Variants in NTRK2 observed in about 807,000 individuals in gnomAD.
NTRK2 encodes the protein BDNF/NT-3 growth factors receptor.
Under a neutral mutation model 94.5 loss-of-function variants are expected in NTRK2, and 13 were observed. That is an observed-to-expected ratio of 0.14 (90% CI 0.09 to 0.22). The LOEUF is 0.22. Among genes scored for constraint, NTRK2 ranks in the 10% least tolerant of loss-of-function variants. The probability of loss-of-function intolerance (pLI) is 1.00; values close to 1 mark genes in which losing one functional copy is unlikely to be tolerated. For synonymous variants in NTRK2, 372 were observed against 407.4 expected, an observed-to-expected ratio of 0.91 and a Z score of 1.05; for missense variants, 639 against 1,071.2, an observed-to-expected ratio of 0.60 and a Z score of 5.63.
intron 14 of NTRK2, among the ~76,000 whole-genome samples, chr9:84,918,234 A>G (rs7026006): frequency 3.9e-4 from 59 of 152,210 alleles, no homozygotes; most frequent in African/African-American, 1.2e-3. Flanking sequence ...CAACAGCGCC[A>G]AGCAATCAGG....
At chr9:85,008,037 C>T (rs542110090) in intron 17 of NTRK2, among the ~76,000 whole-genome samples, 20 of 152,220 alleles carry the variant, frequency 1.3e-4, no homozygotes, top group African/African-American at 3.6e-4. Flanking sequence ...TTTGAAGAAC[C>T]TTCTCTCCTG....
At chr9:84,727,390 C>A (rs1564137171) in intron 8 of NTRK2, among the ~76,000 whole-genome samples, 1 of 152,106 alleles carries the variant, frequency 6.6e-6, no homozygotes, top group Non-Finnish European at 1.5e-5. Flanking sequence ...CTGGTTTTCA[C>A]TTATACTGAA....
intron 12 of NTRK2, among the ~76,000 whole-genome samples, chr9:84,853,017 C>G (rs1045196305): frequency 6.6e-6 from 1 of 151,880 alleles, no homozygotes; most frequent in Non-Finnish European, 1.5e-5. Flanking sequence ...TTGCAGAGCA[C>G]TGGCCTTTTC....
At chr9:84,701,556 G>A (rs1482654069) in intron 2 of NTRK2, among the ~76,000 whole-genome samples, 1 of 152,142 alleles carries the variant, frequency 6.6e-6, no homozygotes, top group Non-Finnish European at 1.5e-5. Flanking sequence ...GGTTCCCACG[G>A]AGAATGCGCT....
intron 12 of NTRK2, among the ~76,000 whole-genome samples, chr9:84,795,197 C>A (rs534591506): frequency 1.3e-5 from 2 of 152,310 alleles, no homozygotes; most frequent in Non-Finnish European, 1.5e-5. Flanking sequence ...GGGGTGGTGG[C>A]AGCTTTCCTG....
At position 84,894,168 on chromosome 9, in the gene NTRK2, GAATATATTTTTATAAC is replaced by G. The variant is rs1201989556; in HGVS notation, c.1633+26739_1633+26754del. Among the ~76,000 whole-genome samples the G allele has an allele frequency of 1.0e-3, 151 of 150,470 alleles. 4 individuals are homozygous for G. Among genetic ancestry groups the G allele is most frequent in the African/African-American group, 6.1e-4 (25 of 40,716 alleles). On this transcript the variant is annotated intron_variant, in intron 14 of 18. Coordinates refer to ENST00000277120, the MANE Select transcript of NTRK2 (RefSeq NM_006180.6). ...TTGGGTGTTACTTGACTATTTGGGA[GAATATATTTTTATAAC>G]ACATTGAATAGTCCTCATTGCACAC...
At chr9:84,725,482 T>C (rs1352451324) in intron 8 of NTRK2, among the ~76,000 whole-genome samples, 1 of 152,072 alleles carries the variant, frequency 6.6e-6, no homozygotes, top group Non-Finnish European at 1.5e-5. Context: ...GAAGGAATGA[T>C]GGGCCCTGGG....
At chr9:84,906,395 C>T (rs1297624376) in intron 14 of NTRK2, among the ~76,000 whole-genome samples, 1 of 152,096 alleles carries the variant, frequency 6.6e-6, no homozygotes, top group African/African-American at 2.4e-5. Context: ...AGTGTATTTG[C>T]CAGATTGAGC....
chr9:84,711,238 C>G (rs1308727776), intron 6 of NTRK2, among the ~76,000 whole-genome samples: 5 of 152,170 alleles, frequency 3.3e-5, no homozygotes, highest in Non-Finnish European at 7.3e-5. Context: ...AGCACATTCC[C>G]TTAAACTTGT....
At chr9:84,872,819 A>C in intron 14 of NTRK2, 1 of 1,064,788 alleles carries the variant, frequency 9.4e-7, no homozygotes, top group Non-Finnish European at 1.1e-6. Context: ...GCCTGAGGAA[A>C]GAAGACATTA....
chr9:84,762,390 A>G (rs1286647204), intron 12 of NTRK2, among the ~76,000 whole-genome samples: 1 of 152,158 alleles, frequency 6.6e-6, no homozygotes, highest in Non-Finnish European at 1.5e-5. Context: ...ATTTTGTTTG[A>G]AGTAAATCCT....
intron 12 of NTRK2, among the ~76,000 whole-genome samples, chr9:84,798,325 C>T (rs2069881783): frequency 6.6e-6 from 1 of 152,156 alleles, no homozygotes; most frequent in South Asian, 2.1e-4. Flanking sequence ...TAGGTTTCAG[C>T]ATATGAATTT....
chr9:84,861,968 C>T (rs1336287407), intron 13 of NTRK2, among the ~76,000 whole-genome samples: 1 of 152,178 alleles, frequency 6.6e-6, no homozygotes, highest in African/African-American at 2.4e-5. Flanking sequence ...GGAGCTGTTT[C>T]CTGTCACTTT....
chr9:85,017,746 A>C (rs1832387309), intron 17 of NTRK2, among the ~76,000 whole-genome samples: 1 of 152,220 alleles, frequency 6.6e-6, no homozygotes, highest in Non-Finnish European at 1.5e-5. Context: ...CAGACAGCAT[A>C]ACAAGAAGAC....
chr9:84,977,883 T>C (rs1180795741), intron 17 of NTRK2, among the ~76,000 whole-genome samples: 1 of 152,264 alleles, frequency 6.6e-6, no homozygotes, highest in Non-Finnish European at 1.5e-5. Context: ...CTTTTGCTTA[T>C]TATAAGATCT....
intron 17 of NTRK2, among the ~76,000 whole-genome samples, chr9:84,993,182 C>G (rs1588137275): frequency 6.6e-6 from 1 of 152,080 alleles, no homozygotes; most frequent in East Asian, 1.9e-4. Context: ...TCTCAAGGCC[C>G]CTTCCCAGTC....
At chr9:84,785,289 G>C (rs1030215288) in intron 12 of NTRK2, among the ~76,000 whole-genome samples, 1 of 152,140 alleles carries the variant, frequency 6.6e-6, no homozygotes, top group African/African-American at 2.4e-5. Flanking sequence ...TGCGTCATAG[G>C]TAAAAACCAA....
chr9:84,986,594 A>G (rs1003860617), intron 17 of NTRK2, among the ~76,000 whole-genome samples: 1 of 151,352 alleles, frequency 6.6e-6, no homozygotes, highest in Admixed American at 6.6e-5. Context: ...TCCCTGCTCT[A>G]GAGGGATTGC....
intron 12 of NTRK2, among the ~76,000 whole-genome samples, chr9:84,797,104 G>A (rs999441069): frequency 2.0e-5 from 3 of 152,128 alleles, no homozygotes; most frequent in South Asian, 2.1e-4. Context: ...GAAACAGTAC[G>A]ATGTTCACTG....
Sources: allele counts gnomAD v4.1 joint callset (sites outside exome capture counted in the v4.1 genomes callset), GRCh38; gene constraint gnomAD v4.1.1; transcripts MANE v1.5; gene names NCBI Gene and HGNC (gene_info 2026-07-23, HGNC 2026-07-21).